Variants in CHRNA5 observed in about 807,000 individuals in gnomAD.
CHRNA5 encodes cholinergic receptor nicotinic alpha 5 subunit, also known as neuronal acetylcholine receptor subunit alpha-5.
In CHRNA5, 28 loss-of-function variants were observed where a neutral mutation model predicts 41.2. The ratio of observed to expected loss-of-function variants is 0.68; its 90% CI spans 0.50 to 0.93. The LOEUF (loss-of-function observed/expected upper bound fraction) is 0.93, where lower values mean the gene tolerates loss of function less well. Among genes scored for constraint, CHRNA5 ranks in the 40% least tolerant of loss-of-function variants. CHRNA5 has a pLI of 0.00. For missense variants in CHRNA5, 481 were observed against 581.9 expected (o/e 0.83, Z 1.78); for synonymous variants, 188 against 205.8 (o/e 0.91, Z 0.74).
At chr15:78,568,885 T>C (rs1449957566) in intron 1 of CHRNA5, among the ~76,000 whole-genome samples, 2 of 152,192 alleles carry the variant, frequency 1.3e-5, no homozygotes, top group Non-Finnish European at 1.5e-5. Context: ...CTATATGTAG[T>C]GGCTGAAAAT....
intron 1 of CHRNA5, among the ~76,000 whole-genome samples, chr15:78,568,201 G>T (rs181197993): frequency 6.6e-6 from 1 of 152,096 alleles, no homozygotes; most frequent in African/African-American, 2.4e-5. Flanking sequence ...TAGTCAGCCC[G>T]CAGCTATTAT....
intron 1 of CHRNA5, among the ~76,000 whole-genome samples, chr15:78,569,432 ATTT>A (rs202079097): frequency 7.3e-6 from 1 of 137,360 alleles, no homozygotes. Context: ...AAATATTGGA[ATTT>A]TTTTTTTTTT....
intron 5 of CHRNA5, among the ~76,000 whole-genome samples, chr15:78,592,763 A>T (rs2053031036): frequency 6.6e-6 from 1 of 152,082 alleles, no homozygotes; most frequent in Non-Finnish European, 1.5e-5. Context: ...ACTACTGGGC[A>T]AGAATAAGTA....
At chr15:78,582,058 T>C (rs1032722440) in intron 2 of CHRNA5, among the ~76,000 whole-genome samples, 1 of 152,226 alleles carries the variant, frequency 6.6e-6, no homozygotes, top group Non-Finnish European at 1.5e-5. Flanking sequence ...AACCAAAGGA[T>C]ATACCTTTTT....
exon 6 of CHRNA5, chr15:78,595,231 C>T: frequency 3.2e-6 from 3 of 935,038 alleles, no homozygotes; most frequent in Non-Finnish European, 3.8e-6. Flanking sequence ...ACTACCATTA[C>T]TGTTACTTAT....
chr15:78,567,024 G>A (rs1421212406), intron 1 of CHRNA5, among the ~76,000 whole-genome samples: 1 of 151,830 alleles, frequency 6.6e-6, no homozygotes, highest in African/African-American at 2.4e-5. Flanking sequence ...AGGCCGAGGC[G>A]GGCAGATCAC....
intron 1 of CHRNA5, among the ~76,000 whole-genome samples, chr15:78,580,279 C>CAAAAAAAA (rs71148541): frequency 1.5e-4 from 9 of 61,988 alleles, no homozygotes; most frequent in East Asian, 4.9e-4. Context: ...GACTCCGTCT[C>CAAAAAAAA]AAAAAAAAAA....
intron 1 of CHRNA5, among the ~76,000 whole-genome samples, chr15:78,572,855 A>T (rs17486195): frequency 6.6e-6 from 1 of 152,002 alleles, no homozygotes; most frequent in African/African-American, 2.4e-5. Flanking sequence ...GTGAACATGC[A>T]TGTAATTTAA....
chr15:78,573,162 T>C (rs1030929734), intron 1 of CHRNA5, among the ~76,000 whole-genome samples: 5 of 152,146 alleles, frequency 3.3e-5, no homozygotes, highest in African/African-American at 1.2e-4. Context: ...TGTGGGGCGG[T>C]GGTATGTCTA....
chr15:78,579,829 T>A (rs1426536202), intron 1 of CHRNA5, among the ~76,000 whole-genome samples: 1 of 152,218 alleles, frequency 6.6e-6, no homozygotes, highest in African/African-American at 2.4e-5. Context: ...ATTTTCTTCA[T>A]TTAGCTTCCA....
exon 5 of CHRNA5, chr15:78,589,942 G>C: frequency 6.2e-7 from 1 of 1,614,160 alleles, no homozygotes; most frequent in East Asian, 2.2e-5. Context: ...CTTCAGAACT[G>C]TTCCATGAAA....
chr15:78,581,016 G>C, intron 2 of CHRNA5, 54 bp downstream of exon 2: 2 of 1,562,974 alleles, frequency 1.3e-6, no homozygotes, highest in Non-Finnish European at 1.7e-6. Flanking sequence ...GTGAGAGCCT[G>C]GTGTGTGCCC....
chr15:78,565,755 C>T, exon 1 of CHRNA5: 1 of 1,209,620 alleles, frequency 8.3e-7, no homozygotes, highest in Non-Finnish European at 1.0e-6. Context: ...GCGCGCTCCG[C>T]CTGCTGCTCT....
At chr15:78,576,798 C>CAAAAAAAAA (rs150275412) in intron 1 of CHRNA5, among the ~76,000 whole-genome samples, 2 of 97,656 alleles carry the variant, frequency 2.0e-5, no homozygotes. Flanking sequence ...GACCCAGTCT[C>CAAAAAAAAA]AAAAAAAAAA....
At chr15:78,583,651 C>T (rs1045582691) in intron 2 of CHRNA5, among the ~76,000 whole-genome samples, 3 of 151,252 alleles carry the variant, frequency 2.0e-5, no homozygotes, top group Admixed American at 6.6e-5. Flanking sequence ...GCCGAGATTG[C>T]GCCACTGCAC....
In CHRNA5 at chr15:78,593,335, A is replaced by G. The variant is rs199881121; in HGVS notation, c.*82A>G. 4.9e-5 allele frequency: 67 copies of G among 1,362,962 alleles called. No individual in the cohort carries two copies. The African/African-American group carries it at 9.1e-4, about 18-fold the overall frequency. 84.4% of individuals were successfully genotyped at this position (1,362,962 alleles called of 1,614,324 possible). On this transcript the variant is annotated 3_prime_UTR_variant, in exon 6 of 6. Transcript: ENST00000299565. ...CTATAAAATTATGAAAATGTAAGTT[A>G]TGTGTTAAATTTAGTGCAAGCTTTA...
chr15:78,567,465 G>C (rs1169931035), intron 1 of CHRNA5, among the ~76,000 whole-genome samples: 1 of 152,162 alleles, frequency 6.6e-6, no homozygotes, highest in Non-Finnish European at 1.5e-5. Context: ...GCATTAAATA[G>C]TGTAAATAGC....
intron 1 of CHRNA5, among the ~76,000 whole-genome samples, chr15:78,577,713 G>T (rs562097404): frequency 2.6e-5 from 4 of 151,896 alleles, no homozygotes; most frequent in African/African-American, 9.7e-5. Flanking sequence ...CTAGCAGATC[G>T]CTTGAGCTCA....
chr15:78,574,970 C>CT (rs1835160593), intron 1 of CHRNA5, among the ~76,000 whole-genome samples: 1 of 112,356 alleles, frequency 8.9e-6, no homozygotes, highest in East Asian at 2.5e-4. Flanking sequence ...GAGACCCTGT[C>CT]TTAAAAAAAA....
Sources: gnomAD v4.1 joint callset for allele counts (sites outside exome capture counted in the v4.1 genomes callset) on GRCh38, gnomAD v4.1.1 for gene constraint, MANE v1.5 for transcripts, NCBI Gene and HGNC (gene_info 2026-07-23, HGNC 2026-07-21) for gene names.